UCK2: variants seen among roughly 807,000 people sequenced by gnomAD.
UCK2 encodes uridine-cytidine kinase 2.
A neutral mutation model predicts 30.8 loss-of-function variants in UCK2; 6 were observed. That is an observed-to-expected ratio of 0.19 (90% CI 0.11 to 0.38). UCK2 has a LOEUF of 0.38. UCK2 is among the 10% of genes least tolerant of loss of function. The pLI is 1.00. For synonymous variants in UCK2, 125 were observed against 133.6 expected (o/e 0.94, Z 0.45); for missense variants, 210 against 339.8 (o/e 0.62, Z 3.00).
chr1:165,903,156 G>T (rs1334916020), intron 4 of UCK2, 26 bp from the exon 5 acceptor site: 3 of 1,597,684 alleles, frequency 1.9e-6, no homozygotes, highest in South Asian at 2.2e-5. Flanking sequence ...ACCGTTTTTT[G>T]ATTCTTGTTT....
chr1:165,842,703 T>C (rs1654359771), intron 1 of UCK2, among the ~76,000 whole-genome samples: 1 of 152,234 alleles, frequency 6.6e-6, no homozygotes, highest in Non-Finnish European at 1.5e-5. Flanking sequence ...TCCACATTGC[T>C]GCTGGAGTGA....
chr1:165,858,879 G>A (rs1424721192), intron 1 of UCK2, among the ~76,000 whole-genome samples: 3 of 152,122 alleles, frequency 2.0e-5, no homozygotes, highest in Non-Finnish European at 2.9e-5. Flanking sequence ...CTGTGGGAGC[G>A]GGTCCTGTTT....
At chr1:165,865,026 CT>C (rs910033935) in intron 1 of UCK2, among the ~76,000 whole-genome samples, 17 of 152,250 alleles carry the variant, frequency 1.1e-4, no homozygotes, top group African/African-American at 4.1e-4. Flanking sequence ...CACACACACA[CT>C]TTTGGTAACT....
In UCK2 at chr1:165,908,552, C is replaced by T. The variant is rs36046806; in HGVS notation, c.*729C>T. On this transcript the variant is annotated 3_prime_UTR_variant, in exon 7 of 7. Coordinates refer to ENST00000367879, the MANE Select transcript of UCK2 (RefSeq NM_012474.5). ...TCTTCCTGCCCTGCTCCCACCTTCT[C>T]GCCTCTGGCTGCTTGGATAGCTTGG... 0.16 allele frequency: 23,770 copies of T among 151,634 alleles called. 2,451 individuals carry two copies. Among genetic ancestry groups the T allele is most frequent in the Non-Finnish European group, 0.24 (15,990 of 67,904 alleles). 9.4% of individuals were successfully genotyped at this position (151,634 alleles called of 1,614,324 possible). A position where few individuals can be genotyped will look rare whatever the true frequency, so the allele number is the denominator to read the frequency against.
chr1:165,870,756 A>G (rs928550935), intron 1 of UCK2, among the ~76,000 whole-genome samples: 3 of 148,782 alleles, frequency 2.0e-5, no homozygotes, highest in African/African-American at 7.4e-5. Context: ...GCTGCTTACT[A>G]TCCAGTCTTC....
intron 1 of UCK2, among the ~76,000 whole-genome samples, chr1:165,849,266 A>G (rs1654531207): frequency 6.6e-6 from 1 of 152,186 alleles, no homozygotes; most frequent in Non-Finnish European, 1.5e-5. Flanking sequence ...TGTGGATCTC[A>G]GGTGTTTACC....
intron 1 of UCK2, among the ~76,000 whole-genome samples, chr1:165,839,070 C>G (rs1356092907): frequency 6.6e-6 from 1 of 151,896 alleles, no homozygotes; most frequent in Non-Finnish European, 1.5e-5. Context: ...AAGAAAAAAT[C>G]AGAGAGTGAC....
In UCK2 at chr1:165,865,688, TGAG is replaced by T. The variant is rs373832475; in HGVS notation, c.100-24512_100-24510del. On this transcript the variant is annotated intron_variant, in intron 1 of 6. Transcript: ENST00000367879. ...CGCTCTTCAAACAAAGCCGGTACCT[TGAG>T]GAGACAGTAAAGGAGGTCTGAAATG... Among the ~76,000 whole-genome samples the T allele has an allele frequency of 4.6e-5, 7 of 152,114 alleles. 1 individual carries two copies. The highest frequency in any genetic ancestry group is 1.7e-4 in the African/African-American group (7 of 41,496).
chr1:165,848,660 C>CCA (rs71583906), intron 1 of UCK2, among the ~76,000 whole-genome samples: 14 of 147,990 alleles, frequency 9.5e-5, no homozygotes, highest in South Asian at 2.2e-4. Context: ...ACACACACAC[C>CCA]CACACACACA....
At chr1:165,849,743 A>G (rs1446432271) in intron 1 of UCK2, among the ~76,000 whole-genome samples, 1 of 152,200 alleles carries the variant, frequency 6.6e-6, no homozygotes, top group Non-Finnish European at 1.5e-5. Flanking sequence ...GAATCTGGAA[A>G]ACCTGCGAAA....
chr1:165,847,318 C>CA (rs1192740578), intron 1 of UCK2, among the ~76,000 whole-genome samples: 6 of 151,948 alleles, frequency 3.9e-5, no homozygotes, highest in Non-Finnish European at 1.5e-5. Flanking sequence ...TCAGAAAAGG[C>CA]AATTGAAATG....
chr1:165,907,153 G>A (rs1475096115), intron 6 of UCK2, among the ~76,000 whole-genome samples: 3 of 152,174 alleles, frequency 2.0e-5, no homozygotes, highest in Admixed American at 6.5e-5. Flanking sequence ...AGCATTTGAT[G>A]TGTATTCCAT....
At chr1:165,875,111 TAAAG>T (rs1450325295) in intron 1 of UCK2, among the ~76,000 whole-genome samples, 2 of 152,000 alleles carry the variant, frequency 1.3e-5, no homozygotes, top group African/African-American at 4.8e-5. Context: ...TGGTGGATCT[TAAAG>T]AAGAGAATAA....
intron 1 of UCK2, among the ~76,000 whole-genome samples, chr1:165,871,300 A>G (rs1270523028): frequency 6.6e-6 from 1 of 152,202 alleles, no homozygotes; most frequent in Non-Finnish European, 1.5e-5. Flanking sequence ...ATAGTTTAAC[A>G]AATGGCTTTC....
chr1:165,882,123 A>T lies in UCK2; in HGVS notation c.100-8081A>T, dbSNP rs530495627. Among the ~76,000 whole-genome samples the T allele has an allele frequency of 3.3e-5, 5 of 152,338 alleles. No homozygotes were observed. In the East Asian group the frequency reaches 5.8e-4, roughly 18 times the overall value. ...GTCTGTGGCACAAACAGGTGCCGAA[A>T]GGGGGAAGAAACACCTCTGGGTAAA... On this transcript the variant is annotated intron_variant, in intron 1 of 6. Coordinates refer to ENST00000367879, the MANE Select transcript of UCK2 (RefSeq NM_012474.5).
At chr1:165,831,875 C>T (rs547350084) in intron 1 of UCK2, among the ~76,000 whole-genome samples, 2 of 152,302 alleles carry the variant, frequency 1.3e-5, no homozygotes, top group South Asian at 4.1e-4. Context: ...AAGCAATTCT[C>T]CTGCCTCAGC....
intron 1 of UCK2, among the ~76,000 whole-genome samples, chr1:165,889,728 G>A (rs1655716864): frequency 6.6e-6 from 1 of 150,670 alleles, no homozygotes; most frequent in Non-Finnish European, 1.5e-5. Context: ...TTAAGTTCAG[G>A]GGTTTGTTAC....
intron 4 of UCK2, among the ~76,000 whole-genome samples, chr1:165,901,094 C>T (rs1380858048): frequency 6.6e-6 from 1 of 152,078 alleles, no homozygotes; most frequent in Non-Finnish European, 1.5e-5. Flanking sequence ...TCCTTCTTAG[C>T]GAGTCTCCCA....
chr1:165,842,750 C>A (rs1369197978), intron 1 of UCK2, among the ~76,000 whole-genome samples: 1 of 152,204 alleles, frequency 6.6e-6, no homozygotes, highest in Non-Finnish European at 1.5e-5. Context: ...GCCTGTCCGT[C>A]GGGTACATTC....
Sources: allele counts gnomAD v4.1 joint callset (sites outside exome capture counted in the v4.1 genomes callset), GRCh38; gene constraint gnomAD v4.1.1; transcripts MANE v1.5; gene names NCBI Gene and HGNC (gene_info 2026-07-23, HGNC 2026-07-21).